The following ST6GALNAC3 variants were observed in gnomAD, a reference collection of about 807,000 sequenced individuals.
ST6GALNAC3 encodes ST6 N-acetylgalactosaminide alpha-2,6-sialyltransferase 3.
ST6GALNAC3 carries 25 observed loss-of-function variants against 32.7 expected under a neutral mutation model. That is an observed-to-expected ratio of 0.76 (90% CI 0.56 to 1.07). ST6GALNAC3 has a LOEUF of 1.07. Ranked by LOEUF, ST6GALNAC3 falls within the 50% of genes least tolerant of loss-of-function variation. ST6GALNAC3 has a pLI of 0.00. For synonymous variants in ST6GALNAC3, 129 were observed against 133.1 expected (o/e 0.97, Z 0.21); for missense variants, 355 against 382.4 (o/e 0.93, Z 0.60).
At chr1:76,081,984 TA>T (rs1646902056) in intron 1 of ST6GALNAC3, among the ~76,000 whole-genome samples, 2 of 152,188 alleles carry the variant, frequency 1.3e-5, no homozygotes, top group South Asian at 4.1e-4. Flanking sequence ...TTAGTATTAT[TA>T]GTACTGATAA....
intron 3 of ST6GALNAC3, among the ~76,000 whole-genome samples, chr1:76,500,340 C>T (rs967913623): frequency 5.9e-5 from 9 of 152,116 alleles, no homozygotes; most frequent in Non-Finnish European, 1.2e-4. Flanking sequence ...ACTTGAGATA[C>T]AGCATTTGTT....
chr1:76,626,804 G>A (rs1243115487), intron 3 of ST6GALNAC3, among the ~76,000 whole-genome samples: 2 of 151,848 alleles, frequency 1.3e-5, no homozygotes, highest in African/African-American at 4.8e-5. Context: ...TGTTTTGATC[G>A]TTGTTGTATC....
intron 1 of ST6GALNAC3, among the ~76,000 whole-genome samples, chr1:76,089,186 G>A (rs1206547599): frequency 2.0e-5 from 3 of 152,158 alleles, no homozygotes; most frequent in Non-Finnish European, 2.9e-5. Flanking sequence ...CTGCCACTAC[G>A]CCCGGCTAAT....
chr1:76,387,963 C>G lies in ST6GALNAC3; in HGVS notation c.214-24045C>G, dbSNP rs534794947. Among the ~76,000 whole-genome samples, 6 of 152,218 alleles carry G rather than the reference C, an allele frequency of 3.9e-5. No individual in the cohort carries two copies. In the South Asian group the frequency reaches 1.2e-3, roughly 32 times the overall value. ...GCCTGCTTTGGGTTTCAAGGTGAGT[C>G]TCCGGTGGACTCTGGAGCAGAAATC... On this transcript the variant is annotated intron_variant, in intron 2 of 4. Transcript: ENST00000328299.
intron 1 of ST6GALNAC3, among the ~76,000 whole-genome samples, chr1:76,094,298 G>C (rs1050297967): frequency 3.3e-5 from 5 of 152,228 alleles, no homozygotes; most frequent in African/African-American, 1.2e-4. Flanking sequence ...GGAAGTGTTA[G>C]AAAGGTAGGT....
At chr1:76,246,644 T>C (rs1298321341) in intron 1 of ST6GALNAC3, among the ~76,000 whole-genome samples, 2 of 152,214 alleles carry the variant, frequency 1.3e-5, no homozygotes, top group Non-Finnish European at 2.9e-5. Flanking sequence ...GCTGTGTTTT[T>C]CAGCTCCATC....
At position 76,630,673 on chromosome 1, in the gene ST6GALNAC3, G is replaced by T; in HGVS notation, c.*1867G>T. On this transcript the variant is annotated 3_prime_UTR_variant, in exon 5 of 5. Transcript: ENST00000328299. The stretch of plus-strand genomic sequence containing the variant: ...TTAAAGTGTGCCATCTTGGATAAAG[G>T]CCTTTTGCCTACTCTCTTCTGCAAT... 1 of 985,512 alleles carries T rather than the reference G, an allele frequency of 1.0e-6. No homozygotes were observed. The highest frequency in any genetic ancestry group is 1.2e-6 in the Non-Finnish European group (1 of 829,798). The allele number at this position is 985,512 out of a possible 1,614,324, so 61.0% of individuals were successfully genotyped here.
chr1:76,285,130 G>T (rs1407425982), intron 1 of ST6GALNAC3, among the ~76,000 whole-genome samples: 1 of 152,144 alleles, frequency 6.6e-6, no homozygotes, highest in Admixed American at 6.5e-5. Context: ...AATTCCTTGT[G>T]TCTAACCTAG....
chr1:76,525,791 GTATATA>G (rs199721572), intron 3 of ST6GALNAC3, among the ~76,000 whole-genome samples: 2,863 of 75,474 alleles, frequency 0.038, 151 homozygotes, highest in African/African-American at 0.094. Context: ...GTGTGTGTGT[GTATATA>G]TATATATATA....
At chr1:76,185,148 C>T (rs1653472406) in intron 1 of ST6GALNAC3, among the ~76,000 whole-genome samples, 1 of 152,062 alleles carries the variant, frequency 6.6e-6, no homozygotes. Flanking sequence ...AGTGTTAGAC[C>T]CGAGACTCAA....
intron 3 of ST6GALNAC3, among the ~76,000 whole-genome samples, chr1:76,578,847 G>A (rs1395177410): frequency 2.0e-5 from 3 of 151,902 alleles, no homozygotes; most frequent in Non-Finnish European, 2.9e-5. Flanking sequence ...CTCCAACAAG[G>A]CTAAAAACAA....
chr1:76,101,975 C>G (rs560769110), intron 1 of ST6GALNAC3, among the ~76,000 whole-genome samples: 6 of 152,130 alleles, frequency 3.9e-5, no homozygotes, highest in Admixed American at 3.3e-4. Flanking sequence ...GTGCAATGTT[C>G]TATATGTTTA....
chr1:76,602,746 A>G (rs1393738238), intron 3 of ST6GALNAC3, among the ~76,000 whole-genome samples: 1 of 151,956 alleles, frequency 6.6e-6, no homozygotes, highest in Non-Finnish European at 1.5e-5. Flanking sequence ...TAATTTAACC[A>G]ATTTGATTAA....
At chr1:76,521,727 AT>A (rs1282292620) in intron 3 of ST6GALNAC3, among the ~76,000 whole-genome samples, 1 of 152,064 alleles carries the variant, frequency 6.6e-6, no homozygotes. Flanking sequence ...TTTGAGATAT[AT>A]TTTCATTGAG....
intron 2 of ST6GALNAC3, among the ~76,000 whole-genome samples, chr1:76,392,487 A>G (rs1652642942): frequency 1.3e-5 from 2 of 152,234 alleles, no homozygotes; most frequent in Non-Finnish European, 2.9e-5. Context: ...GTGCTATTTT[A>G]ATAACTCATT....
At chr1:76,232,422 G>T (rs1656416248) in intron 1 of ST6GALNAC3, among the ~76,000 whole-genome samples, 1 of 147,976 alleles carries the variant, frequency 6.8e-6, no homozygotes, top group Admixed American at 6.7e-5. Context: ...GGGCAAATTG[G>T]GTTCGAACAA....
intron 1 of ST6GALNAC3, among the ~76,000 whole-genome samples, chr1:76,169,282 C>A (rs1419130572): frequency 6.6e-6 from 1 of 152,136 alleles, no homozygotes; most frequent in Non-Finnish European, 1.5e-5. Flanking sequence ...GACCCCCAAT[C>A]TCTTTTGGCT....
chr1:76,372,127 G>A (rs1383252041), intron 2 of ST6GALNAC3, among the ~76,000 whole-genome samples: 1 of 152,130 alleles, frequency 6.6e-6, no homozygotes, highest in Non-Finnish European at 1.5e-5. Context: ...AGACTATCGA[G>A]TGTGTCCTTG....
chr1:76,364,495 G>A (rs1226711152), intron 2 of ST6GALNAC3, among the ~76,000 whole-genome samples: 2 of 152,156 alleles, frequency 1.3e-5, no homozygotes, highest in Non-Finnish European at 2.9e-5. Flanking sequence ...GGAGGTTGCA[G>A]TGAGCCGAGA....
Sources: allele counts gnomAD v4.1 joint callset (sites outside exome capture counted in the v4.1 genomes callset), GRCh38; gene constraint gnomAD v4.1.1; transcripts MANE v1.5; gene names NCBI Gene and HGNC (gene_info 2026-07-23, HGNC 2026-07-21).